Variants in EPHA7 observed in about 807,000 individuals in gnomAD.
EPHA7 encodes the protein ephrin type-A receptor 7.
In EPHA7, 25 loss-of-function variants were observed where a neutral mutation model predicts 112.6. The observed-to-expected ratio is 0.22, with a 90% CI of 0.16 to 0.31. The LOEUF (loss-of-function observed/expected upper bound fraction) is 0.31. Among genes scored for constraint, EPHA7 ranks in the 10% least tolerant of loss-of-function variants. The pLI is 1.00. For synonymous variants in EPHA7, 437 were observed against 406.5 expected (o/e 1.07, Z -0.90); for missense variants, 962 against 1,212.6 (o/e 0.79, Z 3.07).
Position 93,419,406 on chromosome 6 carries a change from T to A in EPHA7, c.-65A>T. 7.5e-7 allele frequency: 1 copy of A among 1,338,894 alleles called. No homozygotes were observed. The highest frequency in any genetic ancestry group is 1.5e-5 in the African/African-American group (1 of 68,694). The allele number at this position is 1,338,894 out of a possible 1,614,324, so 82.9% of individuals were successfully genotyped here. A position where few individuals can be genotyped will look rare whatever the true frequency, so the allele number is the denominator to read the frequency against. ...GAGTCGTGGATTTTTAAATGCTGTT[T>A]GTTCCGAAGTAGCTTTTGTTTTATT... On this transcript the variant is annotated 5_prime_UTR_variant, in exon 1 of 17. Coordinates refer to ENST00000369303, the MANE Select transcript of EPHA7 (RefSeq NM_004440.4).
At chr6:93,312,261 T>C (rs961485073) in intron 5 of EPHA7, among the ~76,000 whole-genome samples, 1 of 152,106 alleles carries the variant, frequency 6.6e-6, no homozygotes, top group Non-Finnish European at 1.5e-5. Flanking sequence ...TTTTCCAATA[T>C]AAGGCTGTTT....
chr6:93,300,134 T>A (rs73530392), intron 5 of EPHA7, among the ~76,000 whole-genome samples: 43 of 152,144 alleles, frequency 2.8e-4, no homozygotes, highest in African/African-American at 9.6e-4. Flanking sequence ...AAAGTTTTTT[T>A]AAAAAAAGAT....
intron 5 of EPHA7, among the ~76,000 whole-genome samples, chr6:93,321,712 C>T (rs1774084334): frequency 6.6e-6 from 1 of 151,738 alleles, no homozygotes; most frequent in African/African-American, 2.4e-5. Flanking sequence ...GGAGATATTC[C>T]CTCTCCAGGT....
chr6:93,309,900 T>C (rs1252614450), intron 5 of EPHA7, among the ~76,000 whole-genome samples: 1 of 152,210 alleles, frequency 6.6e-6, no homozygotes, highest in East Asian at 1.9e-4. Flanking sequence ...TAATTTTGAC[T>C]TTTTAAAATG....
chr6:93,260,452 T>C (rs762724299), intron 9 of EPHA7: 2 of 783,548 alleles, frequency 2.6e-6, no homozygotes, highest in Non-Finnish European at 3.1e-6. Flanking sequence ...TTTGGTTATA[T>C]TAATGCAATA....
At chr6:93,371,191 A>G (rs1347626440) in intron 3 of EPHA7, among the ~76,000 whole-genome samples, 1 of 151,726 alleles carries the variant, frequency 6.6e-6, no homozygotes, top group Non-Finnish European at 1.5e-5. Context: ...GAAAAAGCAC[A>G]GTCAGCTCTC....
chr6:93,344,856 TC>T (rs1247533499), intron 5 of EPHA7, among the ~76,000 whole-genome samples: 3 of 151,516 alleles, frequency 2.0e-5, no homozygotes, highest in Non-Finnish European at 4.4e-5. Flanking sequence ...GATTCTTCCA[TC>T]CTAACTATTT....
intron 3 of EPHA7, among the ~76,000 whole-genome samples, chr6:93,360,145 A>G (rs1353385489): frequency 6.6e-6 from 1 of 152,142 alleles, no homozygotes; most frequent in African/African-American, 2.4e-5. Flanking sequence ...AATGATATTG[A>G]TTACTAAACA....
chr6:93,394,914 T>G (rs775634201), intron 3 of EPHA7, among the ~76,000 whole-genome samples: 2 of 151,956 alleles, frequency 1.3e-5, no homozygotes, highest in African/African-American at 4.8e-5. Flanking sequence ...TTTATCACTA[T>G]TTTTCATTTC....
At chr6:93,329,962 T>C (rs1019946704) in intron 5 of EPHA7, among the ~76,000 whole-genome samples, 6 of 151,292 alleles carry the variant, frequency 4.0e-5, no homozygotes, top group Non-Finnish European at 8.9e-5. Context: ...TATAAGCAGG[T>C]TTATCTTTTT....
intron 5 of EPHA7, among the ~76,000 whole-genome samples, chr6:93,311,148 A>ATTTTTTTTTTTTT (rs1773521254): frequency 1.5e-5 from 1 of 68,512 alleles, no homozygotes; most frequent in African/African-American, 6.4e-5. Context: ...TTTTACAGAG[A>ATTTTTTTTTTTTT]TTGTAACATC....
chr6:93,262,356 TG>T (rs1375987901), intron 9 of EPHA7, among the ~76,000 whole-genome samples: 6 of 151,440 alleles, frequency 4.0e-5, no homozygotes, highest in African/African-American at 1.5e-4. Flanking sequence ...GTTCTGACAT[TG>T]GGGGCATATC....
chr6:93,334,026 T>G (rs1390256855), intron 5 of EPHA7, among the ~76,000 whole-genome samples: 1 of 151,832 alleles, frequency 6.6e-6, no homozygotes, highest in Admixed American at 6.6e-5. Context: ...TCAAACTATA[T>G]TACAATGCTA....
At chr6:93,244,248 G>A (rs893300808) in intron 16 of EPHA7, among the ~76,000 whole-genome samples, 26 of 152,190 alleles carry the variant, frequency 1.7e-4, no homozygotes, top group African/African-American at 6.0e-4. Context: ...GGCAGTGACT[G>A]AGAAACATGG....
chr6:93,405,813 G>A (rs7745772), intron 3 of EPHA7, among the ~76,000 whole-genome samples: 5,293 of 72,820 alleles, frequency 0.073, 244 homozygotes, highest in East Asian at 0.091. Context: ...GTGTGTGTGT[G>A]TATATATATA....
chr6:93,402,890 A>G (rs1778498144), intron 3 of EPHA7, among the ~76,000 whole-genome samples: 1 of 152,086 alleles, frequency 6.6e-6, no homozygotes, highest in South Asian at 2.1e-4. Flanking sequence ...TCTGTTTCTT[A>G]AGACATAAAT....
intron 3 of EPHA7, among the ~76,000 whole-genome samples, chr6:93,387,410 G>A (rs1054823663): frequency 6.6e-6 from 1 of 152,026 alleles, no homozygotes; most frequent in African/African-American, 2.4e-5. Context: ...TAAGTCTCTA[G>A]GAAATTCCCA....
intron 3 of EPHA7, among the ~76,000 whole-genome samples, chr6:93,389,839 C>T (rs1483070999): frequency 6.6e-6 from 1 of 151,936 alleles, no homozygotes; most frequent in African/African-American, 2.4e-5. Context: ...AAAGAAAAAA[C>T]TTTCTTACAG....
At chr6:93,274,416 T>C (rs1290090085) in intron 5 of EPHA7, among the ~76,000 whole-genome samples, 1 of 151,916 alleles carries the variant, frequency 6.6e-6, no homozygotes, top group African/African-American at 2.4e-5. Flanking sequence ...TAAAATTACA[T>C]TCATTATTTC....
Sources: allele counts gnomAD v4.1 joint callset (sites outside exome capture counted in the v4.1 genomes callset), GRCh38; gene constraint gnomAD v4.1.1; transcripts MANE v1.5; gene names NCBI Gene and HGNC (gene_info 2026-07-23, HGNC 2026-07-21).